Variants in MB observed in about 807,000 individuals in gnomAD.
The protein encoded by MB is myoglobin.
MB carries 10 observed loss-of-function variants against 14.5 expected under a neutral mutation model. The observed-to-expected ratio is 0.69, with a 90% confidence interval of 0.43 to 1.17. The LOEUF is 1.17. MB is among the 50% of genes most tolerant of loss of function. MB has a pLI of 0.00. For synonymous variants in MB, 89 were observed against 78.6 expected, an observed-to-expected ratio of 1.13 and a Z score of -0.70; for missense variants, 169 against 192.7, an observed-to-expected ratio of 0.88 and a Z score of 0.73.
Position 35,607,415 on chromosome 22 carries a change from A to G in MB, c.347T>C (p.Leu116Pro). ...AAAGTCCCCGGGATGCTTGCTCTGC[A>G]GAACCTGGATGATGCATTCCGAGAT... ...EFISECIIQV[L>P]QSKHPGDFGA... Residue 116 changes from leucine to proline, a missense_variant, in exon 3 of 3, where the codon CTG (leucine) becomes CCG (proline). Transcript: ENST00000397326. 1.2e-6 allele frequency: 2 copies of G among 1,614,074 alleles called. No homozygotes were observed. The highest frequency in any genetic ancestry group is 1.7e-6 in the Non-Finnish European group (2 of 1,179,894).
chr22:35,619,859 G>A (rs889428676), upstream of MB, among the ~76,000 whole-genome samples: 2 of 152,144 alleles, frequency 1.3e-5, no homozygotes, highest in Non-Finnish European at 2.9e-5. Flanking sequence ...TCTCCATTCA[G>A]TGAGTCCTGT....
intron 1 of MB, among the ~76,000 whole-genome samples, chr22:35,613,539 A>G (rs1922813621): frequency 6.6e-6 from 1 of 152,216 alleles, no homozygotes; most frequent in Non-Finnish European, 1.5e-5. Flanking sequence ...TCTGTTGCCC[A>G]GGCTGGAGTG....
Position 35,607,000 on chromosome 22 carries a change from A to G in MB, c.*297T>C. 3.5e-6 allele frequency: 1 copy of G among 282,134 alleles called. No individual in the cohort carries two copies. The highest frequency in any genetic ancestry group is 6.6e-6 in the Non-Finnish European group (1 of 150,706). 17.5% of individuals were successfully genotyped at this position (282,134 alleles called of 1,614,324 possible). ...GGGTTACAGCCAGTTTGGAGGTTGG[A>G]AGAAGTTCGGTTGGGATTTAGAAGA... On this transcript the variant is annotated 3_prime_UTR_variant, in exon 3 of 3. Transcript: ENST00000397326.
Position 35,607,162 on chromosome 22 carries a change from C to T in MB, c.*135G>A. ...CCAACTTCAACACCCCAGCCCCAGC[C>T]CCTCAGCTCCTCCTGCCCACCTCTA... On this transcript the variant is annotated 3_prime_UTR_variant, in exon 3 of 3. Coordinates refer to ENST00000397326, the MANE Select transcript of MB (RefSeq NM_005368.3). 1 of 1,042,570 alleles carries T rather than the reference C, an allele frequency of 9.6e-7. No homozygotes were observed. Among genetic ancestry groups the T allele is most frequent in the Non-Finnish European group, 1.4e-6 (1 of 732,128 alleles). The allele number at this position is 1,042,570 out of a possible 1,614,324, so 64.6% of individuals were successfully genotyped here.
intron 2 of MB, among the ~76,000 whole-genome samples, chr22:35,609,652 A>G (rs1922436161): frequency 6.6e-6 from 1 of 152,066 alleles, no homozygotes; most frequent in Non-Finnish European, 1.5e-5. Context: ...AGCTACTTAA[A>G]CCCTCTGAGC....
At chr22:35,619,924 C>T (rs1923357354), upstream of MB, among the ~76,000 whole-genome samples, 1 of 152,226 alleles carries the variant, frequency 6.6e-6, no homozygotes, top group African/African-American at 2.4e-5. Context: ...CCGGCTGCAC[C>T]TCTGGCGCCC....
upstream of MB, among the ~76,000 whole-genome samples, chr22:35,619,546 G>C (rs59105199): frequency 0.081 from 12,305 of 152,198 alleles, 950 homozygotes; most frequent in South Asian, 0.19. Context: ...CAGTTCTCCC[G>C]CAAACCTGCT....
Position 35,607,459 on chromosome 22 carries a change from G to A in MB, c.319-16C>T, listed in dbSNP as rs1369727270. On this transcript the variant is annotated splice_polypyrimidine_tract_variant and intron_variant, in intron 2 of 2. Coordinates refer to ENST00000397326, the MANE Select transcript of MB (RefSeq NM_005368.3). ...CCGAGATGAACTGCAGGGAGGGTGA[G>A]GAGAGAAAATGGTCACCAGGGTGGG... is the stretch of plus-strand genomic sequence containing the variant. 2.5e-6 allele frequency: 4 copies of A among 1,611,354 alleles called. No homozygotes were observed. Among genetic ancestry groups the A allele is most frequent in the Non-Finnish European group, 3.4e-6 (4 of 1,177,948 alleles).
intron 1 of MB, among the ~76,000 whole-genome samples, chr22:35,614,745 AT>A (rs1569121031): frequency 6.6e-6 from 1 of 151,882 alleles, no homozygotes; most frequent in Non-Finnish European, 1.5e-5. Context: ...CATTATCATT[AT>A]CATTATCATT....
In MB at chr22:35,607,060, C is replaced by T. The variant is rs1922192985; in HGVS notation, c.*237G>A. On this transcript the variant is annotated 3_prime_UTR_variant, in exon 3 of 3. Coordinates refer to ENST00000397326, the MANE Select transcript of MB (RefSeq NM_005368.3). The stretch of plus-strand genomic sequence containing the variant: ...TAATTCAGATCCAAACCATGCAGAA[C>T]ACAGTGAGCCAAGGGCCACTCCCGG... 3 of 461,928 alleles carry T rather than the reference C, an allele frequency of 6.5e-6. No individual in the cohort carries two copies. The South Asian group carries it at 1.5e-4, about 23-fold the overall frequency. 28.6% of individuals were successfully genotyped at this position (461,928 alleles called of 1,614,324 possible).
intron 2 of MB, among the ~76,000 whole-genome samples, chr22:35,609,681 C>CA (rs1922440512): frequency 6.6e-6 from 1 of 152,096 alleles, no homozygotes; most frequent in Non-Finnish European, 1.5e-5. Context: ...TCCAAACCAG[C>CA]AAAATGGGGA....
rs1009606289 is a variant in MB at position 35,616,729 on chromosome 22, G to A, written c.95+434C>T. ...CAGAGCCAAGTCTAGAACCAGATCTGTCTCCCCTTGAAGAGCATGTCTTAA... is the reference window on the plus strand; with the variant it reads ...CAGAGCCAAGTCTAGAACCAGATCTATCTCCCCTTGAAGAGCATGTCTTAA... On this transcript the variant is annotated intron_variant, in intron 1 of 2. Coordinates refer to ENST00000397326, the MANE Select transcript of MB (RefSeq NM_005368.3). Among the ~76,000 whole-genome samples, 21 of 152,286 alleles carry A rather than the reference G, an allele frequency of 1.4e-4. 1 individual carries two copies. In the Middle Eastern group the frequency reaches 0.01, roughly 74 times the overall value.
intron 1 of MB, among the ~76,000 whole-genome samples, chr22:35,615,881 G>T (rs1923043525): frequency 1.3e-5 from 2 of 152,176 alleles, no homozygotes; most frequent in African/African-American, 4.8e-5. Context: ...ACACTACGAT[G>T]CCATTACAGT....
chr22:35,611,543 C>T (rs1922631388), intron 1 of MB, among the ~76,000 whole-genome samples: 2 of 152,144 alleles, frequency 1.3e-5, no homozygotes, highest in Non-Finnish European at 2.9e-5. Flanking sequence ...GCTTAAATAC[C>T]TCTAGCTACA....
upstream of MB, among the ~76,000 whole-genome samples, chr22:35,619,471 G>A (rs1351730607): frequency 6.6e-6 from 1 of 152,186 alleles, no homozygotes; most frequent in Non-Finnish European, 1.5e-5. Context: ...ACAGCTTTTT[G>A]AAGATAACTG....
chr22:35,612,325 C>T (rs1435171069), intron 1 of MB, among the ~76,000 whole-genome samples: 1 of 152,184 alleles, frequency 6.6e-6, no homozygotes, highest in African/African-American at 2.4e-5. Flanking sequence ...AGTCTCCATC[C>T]CAGGGTTTTA....
upstream of MB, chr22:35,617,506 A>G (rs1480719063): frequency 5.7e-6 from 3 of 526,744 alleles, no homozygotes; most frequent in African/African-American, 5.8e-5. Context: ...GGCAGGTGCC[A>G]TTGTGGCGAG....
In MB at chr22:35,617,181, C is replaced by T. The variant is rs1355627393; in HGVS notation, c.77G>A (p.Gly26Glu). The T allele has an allele frequency of 3.1e-6, 5 of 1,613,816 alleles. No individual in the cohort carries two copies. The highest frequency in any genetic ancestry group is 4.2e-6 in the Non-Finnish European group (5 of 1,179,834). The change falls in exon 1 of 3, where the codon GGG becomes GAG. Residue 26 changes from glycine to glutamate, a missense_variant. Gly to Glu is a moderately conservative substitution (Grantham distance 98). Coordinates refer to ENST00000397326, the MANE Select transcript of MB (RefSeq NM_005368.3). The stretch of plus-strand genomic sequence containing the variant: ...CTTTTACCTGATGAGGACTTCCTGC[C>T]CATGGCCTGGGATGTCAGCCTCCAC... ...GKVEADIPGH[G>E]QEVLIRLFKG... is the part of the protein sequence containing the mutation.
chr22:35,614,948 T>C (rs1922954102), intron 1 of MB, among the ~76,000 whole-genome samples: 1 of 151,912 alleles, frequency 6.6e-6, no homozygotes. Flanking sequence ...ACAAAAAAGG[T>C]TTGAGTAAAG....
Sources: gnomAD v4.1 joint callset for allele counts (sites outside exome capture counted in the v4.1 genomes callset) on GRCh38, gnomAD v4.1.1 for gene constraint, MANE v1.5 for transcripts, NCBI Gene and HGNC (gene_info 2026-07-23, HGNC 2026-07-21) for gene names.